Variants in SEMA6D observed in about 807,000 individuals in gnomAD.
The protein encoded by SEMA6D is semaphorin-6D.
In SEMA6D, 35 loss-of-function variants were observed where a neutral mutation model predicts 106.6. The ratio of observed to expected loss-of-function variants is 0.33; its 90% CI spans 0.25 to 0.44. SEMA6D has a LOEUF of 0.44. Among genes scored for constraint, SEMA6D ranks in the 20% least tolerant of loss-of-function variants. SEMA6D has a pLI of 1.00. For missense variants in SEMA6D, 1,185 were observed against 1,345.9 expected (o/e 0.88, Z 1.87); for synonymous variants, 499 against 487.7 (o/e 1.02, Z -0.31).
chr15:47,250,639 C>T (rs1246458118), intron 1 of SEMA6D, among the ~76,000 whole-genome samples: 1 of 152,194 alleles, frequency 6.6e-6, no homozygotes, highest in Admixed American at 6.5e-5. Context: ...CACTAGCCCT[C>T]AGTTTAACTG....
At chr15:47,710,802 A>G (rs2079002234) in intron 4 of SEMA6D, among the ~76,000 whole-genome samples, 1 of 152,190 alleles carries the variant, frequency 6.6e-6, no homozygotes, top group African/African-American at 2.4e-5. Flanking sequence ...GTGAATCTCA[A>G]AGGCAGACGA....
chr15:47,353,143 A>C (rs552268805), intron 1 of SEMA6D, among the ~76,000 whole-genome samples: 2 of 152,272 alleles, frequency 1.3e-5, no homozygotes, highest in East Asian at 3.9e-4. Flanking sequence ...CTTAAGGATT[A>C]ACCTTTATAG....
chr15:47,260,724 G>A (rs1217738639), intron 1 of SEMA6D, among the ~76,000 whole-genome samples: 1 of 152,220 alleles, frequency 6.6e-6, no homozygotes, highest in Non-Finnish European at 1.5e-5. Context: ...GATTGTCCTG[G>A]TATTTCTTGG....
At chr15:47,290,707 GTAAC>G (rs1266118326) in intron 1 of SEMA6D, among the ~76,000 whole-genome samples, 1 of 152,002 alleles carries the variant, frequency 6.6e-6, no homozygotes, top group Non-Finnish European at 1.5e-5. Context: ...TATTTGAACA[GTAAC>G]TGAGACATCA....
In SEMA6D at chr15:47,532,452, C is replaced by T. The variant is rs143149797; in HGVS notation, c.-87+61907C>T. On this transcript the variant is annotated intron_variant, in intron 3 of 19. Coordinates refer to the SEMA6D transcript ENST00000558014. The stretch of plus-strand genomic sequence containing the variant: ...TGCATTTGACATATCCCTCTCACTG[C>T]GCATTGACTTTTCCTCAGGGTTCTT... 1.5e-4 allele frequency among the ~76,000 whole-genome samples: 23 copies of T among 152,272 alleles called. 1 individual carries two copies. Among genetic ancestry groups the T allele is most frequent in the African/African-American group, 5.1e-4 (21 of 41,542 alleles).
intron 3 of SEMA6D, among the ~76,000 whole-genome samples, chr15:47,541,196 C>G (rs1212705526): frequency 1.3e-5 from 2 of 152,090 alleles, no homozygotes; most frequent in Admixed American, 6.6e-5. Flanking sequence ...AAGAAATACT[C>G]AAGTGTTTGG....
At chr15:47,651,585 A>G (rs186810874) in intron 4 of SEMA6D, among the ~76,000 whole-genome samples, 10 of 152,340 alleles carry the variant, frequency 6.6e-5, no homozygotes, top group Admixed American at 3.9e-4. Context: ...GTGTTCTAGA[A>G]TGAGGCAACC....
At chr15:47,727,492 A>G (rs577636218) in intron 1 of SEMA6D, among the ~76,000 whole-genome samples, 1 of 152,310 alleles carries the variant, frequency 6.6e-6, no homozygotes, top group South Asian at 2.1e-4. Flanking sequence ...TTTCTATCCA[A>G]ACAAGGTGCT....
intron 1 of SEMA6D, among the ~76,000 whole-genome samples, chr15:47,735,526 G>T (rs904825745): frequency 9.2e-5 from 14 of 152,086 alleles, no homozygotes; most frequent in Non-Finnish European, 1.9e-4. Flanking sequence ...TCCACTTAAG[G>T]TCACTGACAA....
intron 1 of SEMA6D, among the ~76,000 whole-genome samples, chr15:47,185,068 C>T (rs540155364): frequency 6.6e-6 from 1 of 152,304 alleles, no homozygotes; most frequent in South Asian, 2.1e-4. Context: ...TTGCGCGCGG[C>T]CGGCGAGCAG....
rs866399071 is a variant in SEMA6D at position 47,367,708 on chromosome 15, A to G, written c.-238-44685A>G. On this transcript the variant is annotated intron_variant, in intron 1 of 19. Coordinates refer to the SEMA6D transcript ENST00000558014. ...CGCGCGCGCGCACACACACACACAC[A>G]CACACACACACACACACACAGAGAG... Among the ~76,000 whole-genome samples the G allele has an allele frequency of 8.1e-3, 1,177 of 145,756 alleles. 23 individuals carry two copies. The highest frequency in any genetic ancestry group is 0.03 in the African/African-American group (1,068 of 35,940).
At chr15:47,692,557 T>C (rs2078612025) in intron 4 of SEMA6D, among the ~76,000 whole-genome samples, 1 of 152,174 alleles carries the variant, frequency 6.6e-6, no homozygotes, top group Non-Finnish European at 1.5e-5. Flanking sequence ...TCTGGTACCT[T>C]AAATATTGTC....
intron 1 of SEMA6D, among the ~76,000 whole-genome samples, chr15:47,320,741 T>C (rs1348342200): frequency 6.6e-6 from 1 of 152,154 alleles, no homozygotes; most frequent in Non-Finnish European, 1.5e-5. Flanking sequence ...AAACATTACC[T>C]CCTCTCCAGA....
At chr15:47,333,862 T>C (rs1332968216) in intron 1 of SEMA6D, among the ~76,000 whole-genome samples, 1 of 152,194 alleles carries the variant, frequency 6.6e-6, no homozygotes, top group Non-Finnish European at 1.5e-5. Flanking sequence ...TGTTGTGGTA[T>C]GCGGGAAACA....
intron 4 of SEMA6D, among the ~76,000 whole-genome samples, chr15:47,634,040 T>G (rs754342366): frequency 2.0e-5 from 3 of 152,214 alleles, no homozygotes; most frequent in Non-Finnish European, 2.9e-5. Flanking sequence ...ATCAAGAGAA[T>G]TTGTAATTAC....
chr15:47,516,586 A>G (rs1287065098), intron 3 of SEMA6D, among the ~76,000 whole-genome samples: 6 of 152,130 alleles, frequency 3.9e-5, no homozygotes, highest in African/African-American at 1.4e-4. Flanking sequence ...GCTCCTCCCC[A>G]TTGTTGCCCT....
In SEMA6D at chr15:47,471,158, G is replaced by C. The variant is rs549617210; in HGVS notation, c.-87+613G>C. Reference sequence around the variant, plus strand: ...TGTTGGTGGGAGCAGGGCCAGGGCAGTCGACAATTCTACGCACACAGTGAC... The same window carrying C: ...TGTTGGTGGGAGCAGGGCCAGGGCACTCGACAATTCTACGCACACAGTGAC... On this transcript the variant is annotated intron_variant, in intron 3 of 19. Transcript: ENST00000558014. Among the ~76,000 whole-genome samples, 24 of 152,302 alleles carry C rather than the reference G, an allele frequency of 1.6e-4. No homozygotes were observed. In the East Asian group the frequency reaches 4.4e-3, roughly 28 times the overall value.
chr15:47,269,593 A>G (rs1449301317), intron 1 of SEMA6D, among the ~76,000 whole-genome samples: 1 of 152,048 alleles, frequency 6.6e-6, no homozygotes, highest in East Asian at 1.9e-4. Context: ...TATTTTATAA[A>G]TTAAATTGTT....
intron 3 of SEMA6D, among the ~76,000 whole-genome samples, chr15:47,559,831 A>C (rs1596318174): frequency 2.6e-5 from 4 of 152,250 alleles, no homozygotes; most frequent in Admixed American, 2.6e-4. Context: ...AATGGCCTAA[A>C]ATTTGAATGT....
Sources: allele counts gnomAD v4.1 joint callset (sites outside exome capture counted in the v4.1 genomes callset), GRCh38; gene constraint gnomAD v4.1.1; transcripts MANE v1.5; gene names NCBI Gene and HGNC (gene_info 2026-07-23, HGNC 2026-07-21).